CDK6: variants seen among roughly 807,000 people sequenced by gnomAD.
The protein encoded by CDK6 is cyclin dependent kinase 6.
In CDK6, 6 loss-of-function variants were observed where a neutral mutation model predicts 37.1. The observed-to-expected ratio is 0.16, with a 90% CI of 0.09 to 0.32. The LOEUF (loss-of-function observed/expected upper bound fraction) is 0.32, where lower values mean the gene tolerates loss of function less well. Ranked by LOEUF, CDK6 falls within the 10% of genes least tolerant of loss-of-function variation. The pLI is 1.00. For synonymous variants in CDK6, 160 were observed against 161.3 expected, an observed-to-expected ratio of 0.99 and a Z score of 0.06; for missense variants, 224 against 418.9, an observed-to-expected ratio of 0.53 and a Z score of 4.06.
intron 4 of CDK6, among the ~76,000 whole-genome samples, chr7:92,679,645 G>A (rs117465896): frequency 0.04 from 6,120 of 152,184 alleles, 164 homozygotes; most frequent in Non-Finnish European, 0.061. Flanking sequence ...TCTCCCTATA[G>A]AAAACTAGTA....
chr7:92,813,042 C>A (rs1800929659), intron 2 of CDK6, among the ~76,000 whole-genome samples: 1 of 152,200 alleles, frequency 6.6e-6, no homozygotes, highest in Admixed American at 6.5e-5. Context: ...CAGCCTTGGT[C>A]TGTACACCCA....
intron 2 of CDK6, among the ~76,000 whole-genome samples, chr7:92,778,698 TAATAA>T (rs1799908086): frequency 6.6e-6 from 1 of 151,976 alleles, no homozygotes; most frequent in Non-Finnish European, 1.5e-5. Flanking sequence ...TGTATTTTTG[TAATAA>T]AATAAAAGAG....
intron 2 of CDK6, among the ~76,000 whole-genome samples, chr7:92,813,676 T>G (rs559966006): frequency 5.1e-4 from 77 of 152,282 alleles, no homozygotes; most frequent in African/African-American, 1.8e-3. Context: ...ACATTCACAG[T>G]GAGCTTCCAG....
intron 2 of CDK6, among the ~76,000 whole-genome samples, chr7:92,792,584 G>C (rs760747139): frequency 7.9e-5 from 12 of 151,980 alleles, no homozygotes; most frequent in Non-Finnish European, 1.6e-4. Context: ...TGATATCTAG[G>C]AGGTGGAATC....
intron 2 of CDK6, among the ~76,000 whole-genome samples, chr7:92,778,946 T>TATATATATATATATATATATATATAA (rs1479181745): frequency 0.021 from 2,784 of 134,012 alleles, 166 homozygotes; most frequent in African/African-American, 0.038. Context: ...TATATATATA[T>TATATATATATATATATATATATATAA]AAGATATTAT....
In CDK6 at chr7:92,699,484, C is replaced by T. The variant is rs1453632668; in HGVS notation, c.537+26142G>A. On this transcript the variant is annotated intron_variant, in intron 4 of 7. Coordinates refer to ENST00000424848, the MANE Select transcript of CDK6 (RefSeq NM_001145306.2). ...CATTTTTCTACTAAACCAAATTCTCCTCAAAGGCAGTAACATCATTTTTAC... is the reference window on the plus strand; with the variant it reads ...CATTTTTCTACTAAACCAAATTCTCTTCAAAGGCAGTAACATCATTTTTAC... 4.6e-5 allele frequency among the ~76,000 whole-genome samples: 7 copies of T among 152,206 alleles called. No homozygotes were observed. In the South Asian group the frequency reaches 1.4e-3, roughly 32 times the overall value.
At chr7:92,715,410 G>A (rs1048927245) in intron 4 of CDK6, among the ~76,000 whole-genome samples, 1 of 152,052 alleles carries the variant, frequency 6.6e-6, no homozygotes, top group African/African-American at 2.4e-5. Context: ...ATTCTCCTAC[G>A]CTTTCCCCTT....
intron 3 of CDK6, among the ~76,000 whole-genome samples, chr7:92,732,465 T>C (rs1798672708): frequency 1.3e-5 from 2 of 152,210 alleles, no homozygotes; most frequent in Non-Finnish European, 2.9e-5. Flanking sequence ...CAAAATACTT[T>C]CTTATCTTTC....
At chr7:92,637,810 AC>A (rs1796207680) in intron 5 of CDK6, among the ~76,000 whole-genome samples, 1 of 152,228 alleles carries the variant, frequency 6.6e-6, no homozygotes, top group East Asian at 1.9e-4. Context: ...TGGTATACAT[AC>A]AAGGTGATTA....
intron 4 of CDK6, among the ~76,000 whole-genome samples, chr7:92,696,964 G>T (rs1175224070): frequency 6.6e-6 from 1 of 152,168 alleles, no homozygotes; most frequent in Admixed American, 6.5e-5. Flanking sequence ...ATGAGAGAGA[G>T]AATTTTCTCT....
At chr7:92,686,459 T>C (rs1021050141) in intron 4 of CDK6, among the ~76,000 whole-genome samples, 6 of 152,160 alleles carry the variant, frequency 3.9e-5, no homozygotes, top group African/African-American at 1.4e-4. Context: ...TTTGCTCTTT[T>C]TATGGCTGAG....
At chr7:92,697,770 T>A (rs1407071558) in intron 4 of CDK6, among the ~76,000 whole-genome samples, 2 of 152,246 alleles carry the variant, frequency 1.3e-5, no homozygotes, top group African/African-American at 4.8e-5. Context: ...TTCATCGTAT[T>A]ACTGAATTAA....
chr7:92,621,462 T>C (rs1585342443), intron 6 of CDK6, among the ~76,000 whole-genome samples: 2 of 152,178 alleles, frequency 1.3e-5, no homozygotes. Flanking sequence ...GTTAACAAGA[T>C]TGCAGACATC....
chr7:92,674,213 T>C (rs775051814), intron 4 of CDK6, among the ~76,000 whole-genome samples: 1 of 152,090 alleles, frequency 6.6e-6, no homozygotes, highest in Non-Finnish European at 1.5e-5. Context: ...TTTCCTAGCC[T>C]GGGCAACTCT....
intron 4 of CDK6, among the ~76,000 whole-genome samples, chr7:92,672,134 C>CATATAT (rs372523914): frequency 0.12 from 7,808 of 65,174 alleles, 849 homozygotes; most frequent in Non-Finnish European, 0.15. Context: ...AAAAGCTGTA[C>CATATAT]ATATATATAT....
chr7:92,648,848 A>G (rs1157810324), intron 5 of CDK6, among the ~76,000 whole-genome samples: 1 of 152,232 alleles, frequency 6.6e-6, no homozygotes, highest in Non-Finnish European at 1.5e-5. Flanking sequence ...AGTTTTTACT[A>G]TGGATACACA....
chr7:92,681,903 G>A (rs1585395272), intron 4 of CDK6, among the ~76,000 whole-genome samples: 1 of 151,976 alleles, frequency 6.6e-6, no homozygotes, highest in East Asian at 1.9e-4. Context: ...ACTGTCTCCC[G>A]GACATCACTA....
chr7:92,691,195 G>C (rs1192349444), intron 4 of CDK6, among the ~76,000 whole-genome samples: 4 of 152,092 alleles, frequency 2.6e-5, no homozygotes, highest in African/African-American at 9.7e-5. Context: ...AGACTATAAA[G>C]ACAAATAACA....
At chr7:92,659,639 A>C (rs200730697) in intron 5 of CDK6, among the ~76,000 whole-genome samples, 1 of 149,910 alleles carries the variant, frequency 6.7e-6, no homozygotes, top group Admixed American at 6.6e-5. Context: ...CACACACCAC[A>C]CACACACACA....
Sources: allele counts gnomAD v4.1 joint callset (sites outside exome capture counted in the v4.1 genomes callset), GRCh38; gene constraint gnomAD v4.1.1; transcripts MANE v1.5; gene names NCBI Gene and HGNC (gene_info 2026-07-23, HGNC 2026-07-21).